The following ZKSCAN1 variants were observed in gnomAD, a reference collection of about 807,000 sequenced individuals.
ZKSCAN1 encodes the protein zinc finger protein with KRAB and SCAN domains 1.
Under a neutral mutation model 51.6 loss-of-function variants are expected in ZKSCAN1, and 14 were observed. That is an observed-to-expected ratio of 0.27 (90% CI 0.18 to 0.42). The LOEUF is 0.42. ZKSCAN1 is among the 10% of genes least tolerant of loss of function. ZKSCAN1 has a pLI of 1.00. For synonymous variants in ZKSCAN1, 263 were observed against 261.5 expected, an observed-to-expected ratio of 1.01 and a Z score of -0.06; for missense variants, 531 against 710.0, an observed-to-expected ratio of 0.75 and a Z score of 2.86.
downstream of ZKSCAN1, among the ~76,000 whole-genome samples, chr7:100,042,898 C>T (rs1407520991): frequency 6.6e-6 from 1 of 151,414 alleles, no homozygotes; most frequent in Non-Finnish European, 1.5e-5. Context: ...CCCGGGTTCC[C>T]GCCATTCTCT....
In ZKSCAN1 at chr7:100,041,151, C is replaced by G. The variant is rs768764987; in HGVS notation, c.*6954C>G. Reference sequence around the variant, plus strand: ...ATTTGTAGACTGGATTAAAAACAACCTGTCCTGTTTTGTCAGTTCCCAGCT... The same window carrying G: ...ATTTGTAGACTGGATTAAAAACAACGTGTCCTGTTTTGTCAGTTCCCAGCT... On this transcript the variant is annotated 3_prime_UTR_variant, in exon 6 of 6. Coordinates refer to ENST00000324306, the MANE Select transcript of ZKSCAN1 (RefSeq NM_003439.4). The G allele has an allele frequency of 1.2e-5, 9 of 751,036 alleles. No individual in the cohort carries two copies. In the African/African-American group the frequency reaches 1.5e-4, roughly 13 times the overall value. 46.5% of individuals were successfully genotyped at this position (751,036 alleles called of 1,614,324 possible). A position where few individuals can be genotyped will look rare whatever the true frequency, so the allele number is the denominator to read the frequency against.
At chr7:100,020,121 A>G (rs1790533948) in intron 1 of ZKSCAN1, among the ~76,000 whole-genome samples, 1 of 152,328 alleles carries the variant, frequency 6.6e-6, no homozygotes, top group Non-Finnish European at 1.5e-5. Flanking sequence ...ATTGGCTCTT[A>G]CTGTTATAGT....
At chr7:100,018,190 A>G (rs1017530409) in intron 1 of ZKSCAN1, among the ~76,000 whole-genome samples, 4 of 152,156 alleles carry the variant, frequency 2.6e-5, no homozygotes, top group African/African-American at 7.2e-5. Flanking sequence ...AACTCATCCA[A>G]CTAGTCCATG....
chr7:100,033,808 T>C lies in ZKSCAN1; in HGVS notation c.1303T>C (p.Cys435Arg). 6.2e-7 allele frequency: 1 copy of C among 1,614,220 alleles called. No individual in the cohort carries two copies. The highest frequency in any genetic ancestry group is 8.5e-7 in the Non-Finnish European group (1 of 1,180,048). ...RIHTGEKPHE[C>R]NECGKAFSHS... ...CCACACAGGAGAGAAACCTCATGAA[T>C]GTAACGAGTGTGGCAAGGCCTTCAG... The change falls in exon 6 of 6, where the codon TGT becomes CGT. Residue 435 changes from cysteine (C) to arginine (R), a missense_variant. Cys to Arg is a radical substitution (Grantham distance 180). Transcript: ENST00000324306. The surrounding 1 kb of genome is among the most constrained non-coding windows in gnomAD (Gnocchi z 4.1).
intron 3 of ZKSCAN1, among the ~76,000 whole-genome samples, chr7:100,026,273 A>G (rs1790833603): frequency 6.7e-6 from 1 of 149,172 alleles, no homozygotes. Flanking sequence ...TGTATGGAAC[A>G]CTTAACCATG....
downstream of ZKSCAN1, among the ~76,000 whole-genome samples, chr7:100,043,079 C>T (rs180851774): frequency 6.6e-5 from 10 of 152,152 alleles, no homozygotes; most frequent in East Asian, 1.9e-3. Flanking sequence ...GGATTACAGG[C>T]GTGAGCCACC....
chr7:100,034,461 A>G lies in ZKSCAN1; in HGVS notation c.*264A>G. 2.5e-6 allele frequency: 3 copies of G among 1,190,564 alleles called. No individual in the cohort carries two copies. Among genetic ancestry groups the G allele is most frequent in the East Asian group, 3.8e-5 (1 of 26,270 alleles). 73.8% of individuals were successfully genotyped at this position (1,190,564 alleles called of 1,614,324 possible). ...CCACACAAGAGAAAAGCACACGCAT[A>G]GTGAAATGTCAGTCTTTTCAGTAAT... On this transcript the variant is annotated 3_prime_UTR_variant, in exon 6 of 6. Transcript: ENST00000324306.
At position 100,038,371 on chromosome 7, in the gene ZKSCAN1, G is replaced by A; in HGVS notation, c.*4174G>A. 1 of 985,454 alleles carries A rather than the reference G, an allele frequency of 1.0e-6. No homozygotes were observed. Among genetic ancestry groups the A allele is most frequent in the Non-Finnish European group, 1.2e-6 (1 of 829,940 alleles). The allele number at this position is 985,454 out of a possible 1,614,324, so 61.0% of individuals were successfully genotyped here. A position where few individuals can be genotyped will look rare whatever the true frequency, so the allele number is the denominator to read the frequency against. The stretch of plus-strand genomic sequence containing the variant: ...TTCACAGAACGGAGCAGCGGGGAGA[G>A]GAAGGGAAAAGCTTCATAGTTTGGT... On this transcript the variant is annotated 3_prime_UTR_variant, in exon 6 of 6. Coordinates refer to ENST00000324306, the MANE Select transcript of ZKSCAN1 (RefSeq NM_003439.4).
Position 100,038,373 on chromosome 7 carries a change from A to C in ZKSCAN1, c.*4176A>C, listed in dbSNP as rs1032168082. ...CACAGAACGGAGCAGCGGGGAGAGG[A>C]AGGGAAAAGCTTCATAGTTTGGTGC... On this transcript the variant is annotated 3_prime_UTR_variant, in exon 6 of 6. Transcript: ENST00000324306. The C allele has an allele frequency of 1.5e-5, 15 of 985,350 alleles. No homozygotes were observed. Among genetic ancestry groups the C allele is most frequent in the African/African-American group, 3.5e-5 (2 of 57,242 alleles). 61.0% of individuals were successfully genotyped at this position (985,350 alleles called of 1,614,324 possible). A position where few individuals can be genotyped will look rare whatever the true frequency, so the allele number is the denominator to read the frequency against.
In ZKSCAN1 at chr7:100,034,158, C is replaced by G. The variant is rs564787389; in HGVS notation, c.1653C>G (p.Ser551=). ...GAGCCTCTGAGTACAGCCCAGCCTC[C>G]CTTGATGCATTTGGCGCGTTCCTGA... The part of the protein sequence containing the change: ...RERASEYSPA[S]LDAFGAFLKS... The change falls in exon 6 of 6, where the codon TCC becomes TCG. Residue 551 remains serine (S), a synonymous_variant. Transcript: ENST00000324306. 1.3e-6 allele frequency: 2 copies of G among 1,534,988 alleles called. No individual in the cohort carries two copies. Among genetic ancestry groups the G allele is most frequent in the Non-Finnish European group, 1.7e-6 (2 of 1,147,446 alleles).
intron 3 of ZKSCAN1, 158 bp downstream of exon 3, chr7:100,024,465 A>G (rs1790731075): frequency 1.1e-6 from 1 of 925,436 alleles, no homozygotes; most frequent in East Asian, 2.7e-5. Flanking sequence ...ATAGTGGCGC[A>G]CACCTGTGAT....
Position 100,039,270 on chromosome 7 carries a change from C to T in ZKSCAN1, c.*5073C>T, listed in dbSNP as rs1005608449. 27 of 965,908 alleles carry T rather than the reference C, an allele frequency of 2.8e-5. No individual in the cohort carries two copies. Among genetic ancestry groups the T allele is most frequent in the Non-Finnish European group, 3.2e-5 (26 of 812,798 alleles). The allele number at this position is 965,908 out of a possible 1,614,324, so 59.8% of individuals were successfully genotyped here. ...GAGGTTGCAGTGAGCCGAGATTGCA[C>T]CACTGCACTCCAGCCTGGGTAACAG... On this transcript the variant is annotated 3_prime_UTR_variant, in exon 6 of 6. Coordinates refer to ENST00000324306, the MANE Select transcript of ZKSCAN1 (RefSeq NM_003439.4).
intron 1 of ZKSCAN1, among the ~76,000 whole-genome samples, chr7:100,018,481 C>T (rs1021706394): frequency 1.7e-4 from 26 of 151,824 alleles, no homozygotes; most frequent in African/African-American, 6.0e-4. Context: ...CGCAGCCTCC[C>T]GGGTTCACGC....
Position 100,039,345 on chromosome 7 carries a change from T to C in ZKSCAN1, c.*5148T>C, listed in dbSNP as rs1791499621. On this transcript the variant is annotated 3_prime_UTR_variant, in exon 6 of 6. Transcript: ENST00000324306. ...AAAAAAAAGAAAGAAAGAAAGAAAA[T>C]TGGGGATAGGAGAACAGCAAGGTGG... 3.0e-6 allele frequency: 3 copies of C among 984,696 alleles called. No homozygotes were observed. Among genetic ancestry groups the C allele is most frequent in the South Asian group, 9.4e-5 (2 of 21,238 alleles). The allele number at this position is 984,696 out of a possible 1,614,324, so 61.0% of individuals were successfully genotyped here. A position where few individuals can be genotyped will look rare whatever the true frequency, so the allele number is the denominator to read the frequency against.
chr7:100,028,018 T>C (rs1237452512), intron 3 of ZKSCAN1, among the ~76,000 whole-genome samples: 1 of 152,138 alleles, frequency 6.6e-6, no homozygotes, highest in African/African-American at 2.4e-5. Flanking sequence ...CTCTTTCTTA[T>C]TTGTTTTCCA....
chr7:100,019,388 T>C (rs951267679), intron 1 of ZKSCAN1: 13 of 152,040 alleles, frequency 8.6e-5, no homozygotes, highest in Admixed American at 7.9e-4. Context: ...GTATTTTTAG[T>C]AGAGACGGGG....
intron 3 of ZKSCAN1, chr7:100,024,990 ATTG>A (rs1329269018): frequency 6.6e-6 from 1 of 151,710 alleles, no homozygotes; most frequent in East Asian, 1.9e-4. Context: ...GTTATTCTAC[ATTG>A]TTGTCATTAT....
intron 1 of ZKSCAN1, among the ~76,000 whole-genome samples, chr7:100,020,086 G>C (rs908425732): frequency 1.3e-5 from 2 of 152,120 alleles, no homozygotes; most frequent in Non-Finnish European, 2.9e-5. Flanking sequence ...TTAAATACCC[G>C]GTACCTAGAA....
chr7:100,042,581 C>T (rs540592373), downstream of ZKSCAN1, among the ~76,000 whole-genome samples: 57 of 152,156 alleles, frequency 3.7e-4, no homozygotes, highest in Non-Finnish European at 7.6e-4. Context: ...TCTTACATTC[C>T]GGGTTTTCAC....
Sources: allele counts gnomAD v4.1 joint callset (sites outside exome capture counted in the v4.1 genomes callset), GRCh38; gene constraint gnomAD v4.1.1; non-coding constraint Gnocchi (gnomAD v3.1); transcripts MANE v1.5; gene names NCBI Gene and HGNC (gene_info 2026-07-23, HGNC 2026-07-21).